ITPR3: variants seen among roughly 807,000 people sequenced by gnomAD.
ITPR3 encodes inositol 1,4,5-trisphosphate receptor type 3.
ITPR3 carries 173 observed loss-of-function variants against 293.2 expected under a neutral mutation model. That is an observed-to-expected ratio of 0.59 (90% CI 0.52 to 0.67). The LOEUF (loss-of-function observed/expected upper bound fraction) is 0.67. Ranked by LOEUF, ITPR3 falls within the 30% of genes least tolerant of loss-of-function variation. The probability of loss-of-function intolerance (pLI) is 0.00; values close to 1 mark genes in which losing one functional copy is unlikely to be tolerated. For missense variants in ITPR3, 2,796 were observed against 3,592.1 expected (o/e 0.78, Z 5.66); for synonymous variants, 1,295 against 1,444.4 (o/e 0.90, Z 2.35).
In ITPR3 at chr6:33,693,677, C is replaced by T; in HGVS notation, c.7757C>T (p.Pro2586Leu). The T allele has an allele frequency of 1.2e-6, 2 of 1,614,168 alleles. No individual in the cohort carries two copies. The highest frequency in any genetic ancestry group is 1.7e-6 in the Non-Finnish European group (2 of 1,180,000). The change falls in exon 56 of 58, where the codon CCT becomes CTT. Residue 2586 changes from proline to leucine, a missense_variant. Around this residue, in one of 8 missense-constraint regions of ITPR3, gnomAD observed 568 missense variants for 796.1 expected, o/e 0.71. Coordinates refer to ENST00000605930, the MANE Select transcript of ITPR3 (RefSeq NM_002224.4). ...AAGAACAAGACCGACTACACGGGCC[C>T]TGAGAGCTACGTGGCCCAGATGATC... Reference protein sequence around the residue: ...RVKNKTDYTGPESYVAQMIKN... With the variant: ...RVKNKTDYTGLESYVAQMIKN...
chr6:33,646,562 C>G (rs1764071194), intron 2 of ITPR3, among the ~76,000 whole-genome samples: 1 of 152,114 alleles, frequency 6.6e-6, no homozygotes, highest in Non-Finnish European at 1.5e-5. Context: ...ACAGACCCTT[C>G]TGGAGATCTT....
chr6:33,691,624 TGG>T lies in ITPR3; in HGVS notation c.7238_7239del (p.Gly2413AspfsTer27), dbSNP rs1765393262. The stretch of plus-strand genomic sequence containing the variant: ...TCCATATCCCCTCCAGCCAGCCCCC[TGG>T]GGATGCCACATGGAGCTGCTGCATT... On this transcript the variant is annotated frameshift_variant, in exon 53 of 58. Coordinates refer to ENST00000605930, the MANE Select transcript of ITPR3 (RefSeq NM_002224.4). LOFTEE classifies it high-confidence loss of function. The surrounding 1 kb of genome is among the most constrained non-coding windows in gnomAD (Gnocchi z 4.9). 6.2e-7 allele frequency: 1 copy of T among 1,613,800 alleles called. No homozygotes were observed. Among genetic ancestry groups the T allele is most frequent in the African/African-American group, 1.3e-5 (1 of 74,876 alleles).
At chr6:33,671,969 G>A (rs1764779161) in intron 21 of ITPR3, 60 bp from the exon 22 acceptor site, 1 of 1,463,396 alleles carries the variant, frequency 6.8e-7, no homozygotes, top group Non-Finnish European at 9.3e-7. Context: ...TCAGACCAGG[G>A]ACCCCTGTGT....
chr6:33,675,603 G>A lies in ITPR3; in HGVS notation c.3117-88G>A. 1 of 1,418,906 alleles carries A rather than the reference G, an allele frequency of 7.0e-7. No homozygotes were observed. The highest frequency in any genetic ancestry group is 9.5e-7 in the Non-Finnish European group (1 of 1,057,232). 87.9% of individuals were successfully genotyped at this position (1,418,906 alleles called of 1,614,324 possible). A position where few individuals can be genotyped will look rare whatever the true frequency, so the allele number is the denominator to read the frequency against. On this transcript the variant is annotated intron_variant, in intron 24 of 57. Coordinates refer to ENST00000605930, the MANE Select transcript of ITPR3 (RefSeq NM_002224.4). The surrounding 1 kb of genome is among the most constrained non-coding windows in gnomAD (Gnocchi z 5.0). ...GCATCTGCTAATTGGGTGGCGGAGAGTGTGCTTGTGCCAGGGCCCCTTACC... is the reference window on the plus strand; with the variant it reads ...GCATCTGCTAATTGGGTGGCGGAGAATGTGCTTGTGCCAGGGCCCCTTACC...
In ITPR3 at chr6:33,691,215, C is replaced by T. The variant is rs547285857; in HGVS notation, c.7225+106C>T. 76 of 1,091,202 alleles carry T rather than the reference C, an allele frequency of 7.0e-5. No individual in the cohort carries two copies. The South Asian group carries it at 9.0e-4, about 13-fold the overall frequency. 67.6% of individuals were successfully genotyped at this position (1,091,202 alleles called of 1,614,324 possible). ...TGCAGCGCTTACCTCACCAGGCTCC[C>T]GTCTGCTTCTCCTCTTGGCTTCTGG... On this transcript the variant is annotated intron_variant, in intron 52 of 57. Transcript: ENST00000605930. The surrounding 1 kb of genome is among the most constrained non-coding windows in gnomAD (Gnocchi z 4.9).
At position 33,665,981 on chromosome 6, in the gene ITPR3, G is replaced by C; in HGVS notation, c.1551+5G>C. 6.3e-7 allele frequency: 1 copy of C among 1,599,570 alleles called. No individual in the cohort carries two copies. The highest frequency in any genetic ancestry group is 8.5e-7 in the Non-Finnish European group (1 of 1,172,800). ...GAGCAGAACATCCTCAAACAGGTGC[G>C]TGTGCACCCATGAGGGGACGCAGAG... On this transcript the variant is annotated splice_donor_5th_base_variant and intron_variant, in intron 14 of 57. Coordinates refer to ENST00000605930, the MANE Select transcript of ITPR3 (RefSeq NM_002224.4).
intron 33 of ITPR3, 122 bp downstream of exon 33, chr6:33,680,802 C>T: frequency 2.1e-6 from 2 of 930,422 alleles, no homozygotes; most frequent in Non-Finnish European, 1.6e-6. Flanking sequence ...CAAAAGGATA[C>T]ATAAGTGTAT....
At chr6:33,662,174 G>A (rs1364615656) in intron 7 of ITPR3, among the ~76,000 whole-genome samples, 1 of 151,950 alleles carries the variant, frequency 6.6e-6, no homozygotes, top group Non-Finnish European at 1.5e-5. Context: ...GGGACACTGA[G>A]GGGGTAAGGT....
chr6:33,663,073 G>A, intron 9 of ITPR3, 67 bp downstream of exon 9: 3 of 1,340,830 alleles, frequency 2.2e-6, no homozygotes, highest in East Asian at 2.5e-5. Context: ...GCGGGAACAT[G>A]TGTGCACATA....
chr6:33,659,438 C>T (rs1050825851), intron 6 of ITPR3, 28 bp from the exon 7 acceptor site: 29 of 1,602,956 alleles, frequency 1.8e-5, no homozygotes, highest in South Asian at 2.2e-5. Flanking sequence ...GTCCACCTGG[C>T]GTCACGGGTC....
In ITPR3 at chr6:33,684,979, T is replaced by C. The variant is rs199500525; in HGVS notation, c.5307+36T>C. On this transcript the variant is annotated intron_variant, in intron 39 of 57. Transcript: ENST00000605930. The surrounding 1 kb of genome is among the most constrained non-coding windows in gnomAD (Gnocchi z 4.2). ...CCTGGGGCCTGGACATGCCCTCCTT[T>C]GCCTCCCTCCCTTTTTGGAGGAGGT... is the stretch of plus-strand genomic sequence containing the variant. The C allele has an allele frequency of 4.3e-5, 68 of 1,572,512 alleles. No homozygotes were observed. In the East Asian group the frequency reaches 1.4e-3, roughly 32 times the overall value.
In ITPR3 at chr6:33,679,049, C is replaced by T. The variant is rs995638300; in HGVS notation, c.3972+210C>T. Among the ~76,000 whole-genome samples the T allele has an allele frequency of 3.3e-5, 5 of 152,156 alleles. No homozygotes were observed. The highest frequency in any genetic ancestry group is 9.7e-5 in the African/African-American group (4 of 41,424). ...GGCCTGATAGAACTCAAGCAGGGTC[C>T]CAGTAGCATCAGGCACCTAGCAGAA... On this transcript the variant is annotated intron_variant, in intron 30 of 57. Coordinates refer to ENST00000605930, the MANE Select transcript of ITPR3 (RefSeq NM_002224.4). This position sits in a 1 kb window ranked among gnomAD's most constrained non-coding sequence, Gnocchi z 4.2.
At chr6:33,689,882 G>C (rs1251044469) in intron 50 of ITPR3, 152 bp from the exon 51 acceptor site, 1 of 818,900 alleles carries the variant, frequency 1.2e-6, no homozygotes, top group Non-Finnish European at 1.9e-6. Context: ...GGCTGCCTCT[G>C]TATTCTGAGT....
In ITPR3 at chr6:33,632,822, T is replaced by G. The variant is rs924710701; in HGVS notation, c.90-7662T>G. Among the ~76,000 whole-genome samples the G allele has an allele frequency of 6.6e-6, 1 of 152,164 alleles. No homozygotes were observed. The highest frequency in any genetic ancestry group is 1.5e-5 in the Non-Finnish European group (1 of 68,008). On this transcript the variant is annotated intron_variant, in intron 1 of 57. Coordinates refer to ENST00000605930, the MANE Select transcript of ITPR3 (RefSeq NM_002224.4). The surrounding 1 kb of genome is among the most constrained non-coding windows in gnomAD (Gnocchi z 4.1). Reference sequence around the variant, plus strand: ...TGGAGGGGAGAAGGGGACACACAGGTGTAGACAGGGCTCCTGTCCTCGGCA... The same window carrying G: ...TGGAGGGGAGAAGGGGACACACAGGGGTAGACAGGGCTCCTGTCCTCGGCA...
At chr6:33,677,112 G>T (rs1265126994) in intron 27 of ITPR3, 23 bp downstream of exon 27, 11 of 1,608,756 alleles carry the variant, frequency 6.8e-6, no homozygotes, top group Non-Finnish European at 9.4e-6. Context: ...GGGTCCTCGG[G>T]GTAGGGATCT....
rs1398803002 is a variant in ITPR3, at chr6:33,678,771, T to TTCC, written c.3906_3908dup (p.Leu1303dup). On this transcript the variant is annotated inframe_insertion, in exon 30 of 58. Transcript: ENST00000605930. ...CGGGCGCCATGTGCAGTACCTGGAC[T>TTCC]TCCTGCACACCGTCATTAAGGCCGA... The TTCC allele has an allele frequency of 6.2e-7, 1 of 1,613,522 alleles. No individual in the cohort carries two copies. The highest frequency in any genetic ancestry group is 1.3e-5 in the African/African-American group (1 of 74,916).
rs9357163 is a variant in ITPR3 at position 33,666,859 on chromosome 6, C to T, written c.1552-270C>T. ...CCTGAGCTGCCGAGACCCTCTGCTCCTCCCCCAGGCCCCAGATCTGAGCTG... is the reference window on the plus strand; with the variant it reads ...CCTGAGCTGCCGAGACCCTCTGCTCTTCCCCCAGGCCCCAGATCTGAGCTG... On this transcript the variant is annotated intron_variant, in intron 14 of 57. Transcript: ENST00000605930. This position sits in a 1 kb window ranked among gnomAD's most constrained non-coding sequence, Gnocchi z 5.1. 0.82 allele frequency among the ~76,000 whole-genome samples: 125,189 copies of T among 152,152 alleles called. 51,658 individuals are homozygous for T. The highest frequency in any genetic ancestry group is 0.94 in the South Asian group (4,521 of 4,822).
chr6:33,671,953 C>A (rs1582143165), intron 21 of ITPR3, 76 bp from the exon 22 acceptor site: 1 of 1,346,072 alleles, frequency 7.4e-7, no homozygotes, highest in East Asian at 2.3e-5. Context: ...TCCTCTGCCT[C>A]CCTCATCAGA....
intron 25 of ITPR3, 137 bp from the exon 26 acceptor site, chr6:33,676,631 G>A (rs763204831): frequency 1.1e-5 from 11 of 1,030,392 alleles, no homozygotes; most frequent in African/African-American, 1.6e-5. Context: ...GAAACATTGA[G>A]TGGGAATCGG....
Sources: allele counts gnomAD v4.1 joint callset (sites outside exome capture counted in the v4.1 genomes callset), GRCh38; gene constraint gnomAD v4.1.1; regional missense constraint gnomAD v4.1.1; non-coding constraint Gnocchi (gnomAD v3.1); transcripts MANE v1.5; gene names NCBI Gene and HGNC (gene_info 2026-07-23, HGNC 2026-07-21).